MUC6: variants seen among roughly 807,000 people sequenced by gnomAD.
MUC6 encodes mucin-6.
A neutral mutation model predicts 201.5 loss-of-function variants in MUC6; 188 were observed. The ratio of observed to expected loss-of-function variants is 0.93; its 90% CI spans 0.83 to 1.05. MUC6 has a LOEUF of 1.05. Ranked by LOEUF, MUC6 falls within the 50% of genes least tolerant of loss-of-function variation. The probability of loss-of-function intolerance (pLI) is 0.00; values close to 1 mark genes in which losing one functional copy is unlikely to be tolerated. For synonymous variants in MUC6, 1,228 were observed against 1,389.4 expected (o/e 0.88, Z 2.58); for missense variants, 2,706 against 3,256.9 (o/e 0.83, Z 4.12).
chr11:1,015,913 G>C lies in MUC6; in HGVS notation c.6888C>G (p.Pro2296=). ...TGGTAAGGTTGGTGACTGGAGAGGT[G>C]GGGATACCCGTCACCCCCGAGGTGA... is the stretch of plus-strand genomic sequence containing the variant. The part of the protein sequence containing the change: ...VSLTSGVTGI[P]TSPVTNLTTR... Residue 2296 remains proline (P), a synonymous_variant, in exon 31 of 33, where the codon CCC becomes CCG. Coordinates refer to ENST00000421673, the MANE Select transcript of MUC6 (RefSeq NM_005961.3). The C allele has an allele frequency of 6.2e-7, 1 of 1,605,478 alleles. No individual in the cohort carries two copies. The highest frequency in any genetic ancestry group is 8.5e-7 in the Non-Finnish European group (1 of 1,175,100).
In MUC6 at chr11:1,027,511, G is replaced by A. The variant is rs1856992481; in HGVS notation, c.1988C>T (p.Pro663Leu). 1 of 1,612,292 alleles carries A rather than the reference G, an allele frequency of 6.2e-7. No homozygotes were observed. The highest frequency in any genetic ancestry group is 8.5e-7 in the Non-Finnish European group (1 of 1,179,678). ...WRSSVDNCTI[P>L]CTGNTTFSYN... is the part of the protein sequence containing the mutation. Reference sequence around the variant, plus strand: ...GCTGAAGGTGGTGTTACCCGTGCAGGGGATGGCTGTGGGGGACCCGGGCAT... The same window carrying A: ...GCTGAAGGTGGTGTTACCCGTGCAGAGGATGGCTGTGGGGGACCCGGGCAT... Residue 663 changes from proline to leucine, a missense_variant, in exon 17 of 33, where the codon CCC becomes CTC. Pro to Leu is a moderately conservative substitution (Grantham distance 98, BLOSUM62 -3). This residue lies in a region of MUC6 where 1,850 missense variants were observed against 1,958.3 expected (regional missense o/e 0.94). Transcript: ENST00000421673.
In MUC6 at chr11:1,030,433, A is replaced by G. The variant is rs570607816; in HGVS notation, c.893-98T>C. On this transcript the variant is annotated intron_variant, in intron 7 of 32. Coordinates refer to ENST00000421673, the MANE Select transcript of MUC6 (RefSeq NM_005961.3). Reference sequence around the variant, plus strand: ...GAGGACTTAGCCCAGCCCTTCCTCCATCTAGAAGCAGCAGCGAGGATCTCC... The same window carrying G: ...GAGGACTTAGCCCAGCCCTTCCTCCGTCTAGAAGCAGCAGCGAGGATCTCC... The G allele has an allele frequency of 7.6e-5, 94 of 1,235,252 alleles. No individual in the cohort carries two copies. The South Asian group carries it at 1.1e-3, about 14-fold the overall frequency. 76.5% of individuals were successfully genotyped at this position (1,235,252 alleles called of 1,614,324 possible). A position where few individuals can be genotyped will look rare whatever the true frequency, so the allele number is the denominator to read the frequency against.
chr11:1,021,594 C>T (rs1399995101), intron 26 of MUC6, among the ~76,000 whole-genome samples: 3 of 152,118 alleles, frequency 2.0e-5, no homozygotes, highest in Non-Finnish European at 2.9e-5. Flanking sequence ...TGGTCTCAAA[C>T]TCTTGACCTG....
At chr11:1,031,326 C>G in intron 4 of MUC6, 67 bp from the exon 5 acceptor site, 1 of 1,430,080 alleles carries the variant, frequency 7.0e-7, no homozygotes, top group Non-Finnish European at 9.4e-7. Context: ...GGAGGGCTCT[C>G]AGTTCCTGCT....
chr11:1,024,202 T>TGGCGGTAAG (rs1346276310), intron 24 of MUC6, 99 bp from the exon 25 acceptor site: 3 of 1,397,780 alleles, frequency 2.1e-6, no homozygotes, highest in African/African-American at 2.8e-5. Flanking sequence ...GGCCGGAGTG[T>TGGCGGTAAG]GGCGGTAAGG....
intron 26 of MUC6, 116 bp from the exon 27 acceptor site, chr11:1,021,393 C>T (rs1856804293): frequency 1.5e-5 from 8 of 546,930 alleles, no homozygotes; most frequent in Non-Finnish European, 1.8e-5. Flanking sequence ...TTTTTTGAGA[C>T]AGAGTCTCGC....
At chr11:1,032,317 G>A (rs879651262) in intron 2 of MUC6, among the ~76,000 whole-genome samples, 12 of 152,164 alleles carry the variant, frequency 7.9e-5, no homozygotes, top group Admixed American at 3.3e-4. Context: ...ACGTATGTGC[G>A]TGTCTCGGGT....
At position 1,015,747 on chromosome 11, in the gene MUC6, A is replaced by G. The variant is rs73393722; in HGVS notation, c.7039+15T>C. ...GAGGTGAGGCCAGGAGAAGGGCCAC[A>G]GAGATGCCACTTACCGGGTGAGGTG... is the stretch of plus-strand genomic sequence containing the variant. On this transcript the variant is annotated intron_variant, in intron 31 of 32. Coordinates refer to ENST00000421673, the MANE Select transcript of MUC6 (RefSeq NM_005961.3). 7.2e-6 allele frequency: 11 copies of G among 1,526,304 alleles called. No individual in the cohort carries two copies. The highest frequency in any genetic ancestry group is 1.4e-5 in the African/African-American group (1 of 72,198). 94.5% of individuals were successfully genotyped at this position (1,526,304 alleles called of 1,614,324 possible).
In MUC6 at chr11:1,030,998, C is replaced by T. The variant is rs767607109; in HGVS notation, c.633G>A (p.Glu211=). Residue 211 remains glutamate (E), a synonymous_variant, in exon 6 of 33, where the codon GAG becomes GAA. Transcript: ENST00000421673. Reference sequence around the variant, plus strand: ...TGGGGATGTCCTGGAAGGTGCAGATCTCGCCGGGGTCGTCCAGCTTCTGGA... The same window carrying T: ...TGGGGATGTCCTGGAAGGTGCAGATTTCGCCGGGGTCGTCCAGCTTCTGGA... ...AALQKLDDPG[E]ICTFQDIPST... 5 of 1,585,628 alleles carry T rather than the reference C, an allele frequency of 3.2e-6. No homozygotes were observed. In the East Asian group the frequency reaches 1.1e-4, roughly 36 times the overall value.
Position 1,027,073 on chromosome 11 carries a change from G to T in MUC6, c.2285-23C>A. ...AGGCTGCAGGAAAGAGGGGTGCGCG[G>T]TCAGGACACTCAGAGGAAGCCGGGG... On this transcript the variant is annotated intron_variant, in intron 18 of 32. Coordinates refer to ENST00000421673, the MANE Select transcript of MUC6 (RefSeq NM_005961.3). The T allele has an allele frequency of 1.9e-6, 3 of 1,606,758 alleles. No individual in the cohort carries two copies. The Middle Eastern group carries it at 5.0e-4, about 265-fold the overall frequency.
chr11:1,021,303 G>GTGTGACTGGTGGCCGGCCAGGGTCTT (rs778561743), intron 26 of MUC6, 26 bp from the exon 27 acceptor site: 1 of 1,481,428 alleles, frequency 6.8e-7, no homozygotes, highest in Non-Finnish European at 9.0e-7. Flanking sequence ...GCCAGGGTCT[G>GTGTGACTGGTGGCCGGCCAGGGTCTT]TGTGACTGGT....
chr11:1,030,552 C>T (rs1564844289), intron 7 of MUC6, 21 bp downstream of exon 7: 1 of 1,476,706 alleles, frequency 6.8e-7, no homozygotes, highest in African/African-American at 1.4e-5. Context: ...CTGCCCCTCC[C>T]TCTCCCTTCC....
rs199892139 is a variant in MUC6, at chr11:1,025,380, G to A, written c.2800-13C>T. On this transcript the variant is annotated splice_polypyrimidine_tract_variant and intron_variant, in intron 22 of 32. Coordinates refer to ENST00000421673, the MANE Select transcript of MUC6 (RefSeq NM_005961.3). ...CCACGGACAGGCCCTGTGGGGTGGG[G>A]TTGGCATAGGACTGCCTGTCTGTCT... The A allele has an allele frequency of 2.5e-6, 4 of 1,604,744 alleles. No individual in the cohort carries two copies. The East Asian group carries it at 6.7e-5, about 27-fold the overall frequency.
intron 1 of MUC6, among the ~76,000 whole-genome samples, chr11:1,035,823 G>A (rs1277651496): frequency 6.6e-6 from 1 of 152,144 alleles, no homozygotes; most frequent in African/African-American, 2.4e-5. Context: ...AGAGGAAGGA[G>A]GAGCACGGAA....
At chr11:1,032,199 C>A (rs1857122015) in intron 2 of MUC6, 146 bp from the exon 3 acceptor site, 2 of 1,121,014 alleles carry the variant, frequency 1.8e-6, no homozygotes, top group Admixed American at 2.4e-5. Context: ...ATCCGATGAA[C>A]CTGAGTGCTA....
chr11:1,016,178 A>C lies in MUC6; in HGVS notation c.6623T>G (p.Ile2208Ser). ...FPSSPAASTT[I>S]RATLPHTISS... ...GATAGTGTGGGGGAGAGTGGCCCTA[A>C]TGGTAGTAGAGGCAGCTGGAGAAGA... is the stretch of plus-strand genomic sequence containing the variant. The change falls in exon 31 of 33, where the codon ATT (isoleucine) becomes AGT (serine). Residue 2208 changes from isoleucine to serine, a missense_variant. Physicochemically the swap from Ile to Ser is moderately radical, Grantham distance 142 (BLOSUM62 -2). Around this residue, in one of 10 missense-constraint regions of MUC6, gnomAD observed 586 missense variants for 488.0 expected, o/e 1.20. Transcript: ENST00000421673. 6.2e-7 allele frequency: 1 copy of C among 1,613,408 alleles called. No individual in the cohort carries two copies. Among genetic ancestry groups the C allele is most frequent in the South Asian group, 1.1e-5 (1 of 91,038 alleles).
In MUC6 at chr11:1,029,265, T is replaced by C. The variant is rs1435613555; in HGVS notation, c.1238A>G (p.Tyr413Cys). ...GTAGGTGCAGGTGCCGTGGAAGCGG[T>C]AGGGCCTGGCGTCAAATGTGGTAAC... Reference protein sequence around the residue: ...SFVTTFDARPYRFHGTCTYIL... With the variant: ...SFVTTFDARPCRFHGTCTYIL... The change falls in exon 10 of 33, where the codon TAC becomes TGC. Residue 413 changes from tyrosine (Y) to cysteine (C), a missense_variant. Coordinates refer to ENST00000421673, the MANE Select transcript of MUC6 (RefSeq NM_005961.3). 1 of 1,607,318 alleles carries C rather than the reference T, an allele frequency of 6.2e-7. No homozygotes were observed. The highest frequency in any genetic ancestry group is 1.3e-5 in the African/African-American group (1 of 74,776).
chr11:1,022,459 C>G (rs1010059241), intron 26 of MUC6, among the ~76,000 whole-genome samples: 1 of 152,248 alleles, frequency 6.6e-6, no homozygotes, highest in Non-Finnish European at 1.5e-5. Context: ...TGGACACTTT[C>G]CTGGCTCCCC....
chr11:1,026,074 C>A lies in MUC6; in HGVS notation c.2614G>T (p.Gly872Trp), dbSNP rs755371635. The A allele has an allele frequency of 6.3e-7, 1 of 1,597,678 alleles. No individual in the cohort carries two copies. Among genetic ancestry groups the A allele is most frequent in the East Asian group, 2.3e-5 (1 of 44,166 alleles). ...THCPSTCTLY[G>W]EGHVITFDGQ... Reference sequence around the variant, plus strand: ...TCGAAGGTGATGACGTGGCCCTCCCCGTAGAGGGTGCAGGTGGATGGGCAG... The same window carrying A: ...TCGAAGGTGATGACGTGGCCCTCCCAGTAGAGGGTGCAGGTGGATGGGCAG... Residue 872 changes from glycine (G) to tryptophan (W), a missense_variant, in exon 21 of 33, where the codon GGG becomes TGG. Physicochemically the swap from Gly to Trp is radical, Grantham distance 184 (BLOSUM62 -2). Around this residue, in one of 10 missense-constraint regions of MUC6, gnomAD observed 1,850 missense variants for 1,958.3 expected, o/e 0.94. Coordinates refer to ENST00000421673, the MANE Select transcript of MUC6 (RefSeq NM_005961.3).
Sources: allele counts gnomAD v4.1 joint callset (sites outside exome capture counted in the v4.1 genomes callset), GRCh38; gene constraint gnomAD v4.1.1; regional missense constraint gnomAD v4.1.1; transcripts MANE v1.5; gene names NCBI Gene and HGNC (gene_info 2026-07-23, HGNC 2026-07-21).